Variants in RUNX1T1 observed in about 807,000 individuals in gnomAD.
RUNX1T1 encodes RUNX1 partner transcriptional co-repressor 1.
A neutral mutation model predicts 62.8 loss-of-function variants in RUNX1T1; 4 were observed. The observed-to-expected ratio is 0.06, with a 90% CI of 0.03 to 0.15. The LOEUF is 0.15. Among genes scored for constraint, RUNX1T1 ranks in the 10% least tolerant of loss-of-function variants. The pLI, the probability that RUNX1T1 is intolerant of heterozygous loss-of-function variation, is 1.00. For synonymous variants in RUNX1T1, 291 were observed against 286.0 expected (o/e 1.02, Z -0.18); for missense variants, 508 against 754.3 (o/e 0.67, Z 3.82).
chr8:92,005,571 G>A lies in RUNX1T1; in HGVS notation c.478-274C>T, dbSNP rs1389382339. On this transcript the variant is annotated intron_variant, in intron 4 of 10. Transcript: ENST00000396218. The stretch of plus-strand genomic sequence containing the variant: ...ATTGCAAGTGGCACATTATTTTTAG[G>A]GTCCCTTTATACTTGAATGTATGTT... 2.5e-5 allele frequency: 10 copies of A among 404,334 alleles called. No homozygotes were observed. The Admixed American group carries it at 4.2e-4, about 17-fold the overall frequency. 25.0% of individuals were successfully genotyped at this position (404,334 alleles called of 1,614,324 possible). A position where few individuals can be genotyped will look rare whatever the true frequency, so the allele number is the denominator to read the frequency against.
rs770801050 is a variant in RUNX1T1 at position 92,087,071 on chromosome 8, C to T, written c.-85-10934G>A. Among the ~76,000 whole-genome samples the T allele has an allele frequency of 8.5e-5, 13 of 152,142 alleles. No homozygotes were observed. The East Asian group carries it at 2.1e-3, about 25-fold the overall frequency. On this transcript the variant is annotated intron_variant, in intron 1 of 11. Transcript: ENST00000265814. ...ATCACAGACTCCTCTGTTCAAAAGA[C>T]GCCCAGCTAGAAAATCAAATATATA...
chr8:91,974,750 T>C (rs2130681353), intron 9 of RUNX1T1, among the ~76,000 whole-genome samples: 1 of 152,324 alleles, frequency 6.6e-6, no homozygotes, highest in Non-Finnish European at 1.5e-5. Context: ...ACCTATCTAA[T>C]TTGCGTATTG....
At chr8:92,086,835 TCTC>T (rs563796825) in intron 1 of RUNX1T1, among the ~76,000 whole-genome samples, 2 of 152,168 alleles carry the variant, frequency 1.3e-5, no homozygotes, top group Non-Finnish European at 2.9e-5. Context: ...GCCTCTTCCT[TCTC>T]ATCCCACAAA....
intron 10 of RUNX1T1, among the ~76,000 whole-genome samples, chr8:91,964,153 G>C (rs934385946): frequency 6.6e-6 from 1 of 152,144 alleles, no homozygotes; most frequent in Non-Finnish European, 1.5e-5. Flanking sequence ...TGAAGCTTTT[G>C]AATGCCAACA....
At chr8:92,078,672 C>T (rs938897389) in intron 1 of RUNX1T1, among the ~76,000 whole-genome samples, 2 of 152,110 alleles carry the variant, frequency 1.3e-5, no homozygotes, top group Non-Finnish European at 2.9e-5. Flanking sequence ...TGCAAATCTG[C>T]GATCCGTGCA....
chr8:92,049,281 G>A (rs1563845117), intron 1 of RUNX1T1, among the ~76,000 whole-genome samples: 1 of 152,156 alleles, frequency 6.6e-6, no homozygotes, highest in Non-Finnish European at 1.5e-5. Flanking sequence ...TTCTAAGATG[G>A]TGTTAAGAAT....
downstream of RUNX1T1, chr8:91,958,054 A>C (rs996479688): frequency 5.8e-5 from 12 of 208,184 alleles, no homozygotes; most frequent in Admixed American, 1.2e-4. Context: ...AGATACTTAA[A>C]AGCCACTTAA....
At chr8:92,060,549 A>ATGTG (rs1457607602) in intron 1 of RUNX1T1, among the ~76,000 whole-genome samples, 90 of 107,036 alleles carry the variant, frequency 8.4e-4, no homozygotes, top group Middle Eastern at 5.2e-3. Context: ...ATATATATAT[A>ATGTG]TATATGTGTG....
chr8:91,977,716 G>C (rs1447519453), intron 8 of RUNX1T1, among the ~76,000 whole-genome samples: 2 of 152,114 alleles, frequency 1.3e-5, no homozygotes, highest in Non-Finnish European at 2.9e-5. Context: ...AGAAAAAAAC[G>C]TGACTTCAAA....
intron 1 of RUNX1T1, among the ~76,000 whole-genome samples, chr8:92,094,800 A>C (rs1837545018): frequency 6.6e-6 from 1 of 152,202 alleles, no homozygotes; most frequent in South Asian, 2.1e-4. Context: ...TTCAAATTGC[A>C]CCAAAGTTCT....
At chr8:92,003,072 T>C (rs527810451) in intron 5 of RUNX1T1, among the ~76,000 whole-genome samples, 1 of 152,166 alleles carries the variant, frequency 6.6e-6, no homozygotes, top group Non-Finnish European at 1.5e-5. Context: ...CCCCATTTGA[T>C]AAAGAATGTT....
upstream of RUNX1T1, among the ~76,000 whole-genome samples, chr8:92,066,435 T>A (rs1028713245): frequency 5.3e-5 from 8 of 152,200 alleles, no homozygotes; most frequent in African/African-American, 1.9e-4. Context: ...CAAATTCAAA[T>A]CTGCTAGTTT....
intron 1 of RUNX1T1, among the ~76,000 whole-genome samples, chr8:92,041,220 G>A (rs1828383470): frequency 6.9e-6 from 1 of 144,166 alleles, no homozygotes; most frequent in Admixed American, 6.8e-5. Context: ...TGAACAGCAT[G>A]CAAAGCCAAG....
At chr8:92,075,816 A>T in intron 2 of RUNX1T1, 149 bp downstream of exon 2, 2 of 694,988 alleles carry the variant, frequency 2.9e-6, no homozygotes, top group Non-Finnish European at 4.5e-6. Flanking sequence ...AAGATTTCAA[A>T]GACAAATGTT....
chr8:91,962,355 C>T (rs1810670106), intron 10 of RUNX1T1, among the ~76,000 whole-genome samples: 2 of 152,168 alleles, frequency 1.3e-5, no homozygotes, highest in Non-Finnish European at 2.9e-5. Flanking sequence ...TGGCCAATGA[C>T]AGGTGTTTTA....
chr8:92,089,163 A>G (rs1477595997), intron 1 of RUNX1T1, among the ~76,000 whole-genome samples: 1 of 152,182 alleles, frequency 6.6e-6, no homozygotes, highest in African/African-American at 2.4e-5. Flanking sequence ...TGATCAAACC[A>G]GAAGAATGCC....
At chr8:92,096,623 T>C (rs1437143312) in intron 1 of RUNX1T1, among the ~76,000 whole-genome samples, 1 of 152,156 alleles carries the variant, frequency 6.6e-6, no homozygotes, top group East Asian at 1.9e-4. Context: ...GCACTGAAGC[T>C]TGGTTAAGAA....
chr8:92,026,972 C>T (rs1377765421), intron 1 of RUNX1T1, among the ~76,000 whole-genome samples: 4 of 150,514 alleles, frequency 2.7e-5, no homozygotes, highest in Non-Finnish European at 5.9e-5. Context: ...AAAAATTAGC[C>T]GGGCATGGTG....
intron 1 of RUNX1T1, among the ~76,000 whole-genome samples, chr8:92,058,254 T>C (rs959516192): frequency 6.6e-6 from 1 of 152,240 alleles, no homozygotes; most frequent in African/African-American, 2.4e-5. Flanking sequence ...TACCCAACTT[T>C]CCTCATTACA....
Sources: gnomAD v4.1 joint callset for allele counts (sites outside exome capture counted in the v4.1 genomes callset) on GRCh38, gnomAD v4.1.1 for gene constraint, MANE v1.5 for transcripts, NCBI Gene and HGNC (gene_info 2026-07-23, HGNC 2026-07-21) for gene names.